Variants in MSRA observed in about 807,000 individuals in gnomAD.
The protein encoded by MSRA is methionine sulfoxide reductase A.
MSRA carries 54 observed loss-of-function variants against 31.3 expected under a neutral mutation model. That is an observed-to-expected ratio of 1.73 (90% confidence interval 1.39 to 2.17). The LOEUF (loss-of-function observed/expected upper bound fraction) is 2.17. Among genes scored for constraint, MSRA ranks in the 30% most tolerant of loss-of-function variants. The pLI is 0.00. For synonymous variants in MSRA, 169 were observed against 116.5 expected, an observed-to-expected ratio of 1.45 and a Z score of -2.90; for missense variants, 507 against 300.9, an observed-to-expected ratio of 1.69 and a Z score of -5.07.
chr8:10,315,090 T>G (rs1801636497), intron 4 of MSRA, among the ~76,000 whole-genome samples: 1 of 152,052 alleles, frequency 6.6e-6, no homozygotes, highest in Non-Finnish European at 1.5e-5. Flanking sequence ...GAACTGACCT[T>G]TATAAAACCA....
At chr8:10,172,851 G>T (rs577702727) in intron 1 of MSRA, among the ~76,000 whole-genome samples, 1 of 152,204 alleles carries the variant, frequency 6.6e-6, no homozygotes, top group Non-Finnish European at 1.5e-5. Flanking sequence ...TATGTGCCAC[G>T]CATAGGTGCT....
intron 3 of MSRA, among the ~76,000 whole-genome samples, chr8:10,282,566 G>C (rs970206554): frequency 6.6e-6 from 1 of 152,150 alleles, no homozygotes; most frequent in Non-Finnish European, 1.5e-5. Flanking sequence ...TCCGGTGACA[G>C]AGCAGCCATA....
chr8:10,067,684 G>A (rs983734609), intron 1 of MSRA, among the ~76,000 whole-genome samples: 1 of 152,154 alleles, frequency 6.6e-6, no homozygotes, highest in Non-Finnish European at 1.5e-5. Context: ...GGCAGTTGTT[G>A]TTATCAGTGC....
At chr8:10,212,233 C>G (rs1482672380) in intron 2 of MSRA, among the ~76,000 whole-genome samples, 1 of 151,794 alleles carries the variant, frequency 6.6e-6, no homozygotes, top group Non-Finnish European at 1.5e-5. Context: ...ATAAATTTGT[C>G]ATCCAAACTA....
intron 1 of MSRA, among the ~76,000 whole-genome samples, chr8:10,179,437 A>G (rs980398019): frequency 3.3e-5 from 5 of 152,198 alleles, no homozygotes; most frequent in Admixed American, 1.3e-4. Flanking sequence ...TCGATCATTT[A>G]TAATTATAAT....
intron 5 of MSRA, among the ~76,000 whole-genome samples, chr8:10,324,758 G>A (rs1053924001): frequency 6.6e-6 from 1 of 152,170 alleles, no homozygotes; most frequent in Admixed American, 6.5e-5. Flanking sequence ...GACTGGGGAG[G>A]AAAAGAAGGA....
chr8:10,303,834 A>C (rs576826434), intron 4 of MSRA, among the ~76,000 whole-genome samples: 9 of 152,246 alleles, frequency 5.9e-5, no homozygotes, highest in African/African-American at 2.2e-4. Context: ...TTTCTATTAC[A>C]TGTAACAGTA....
chr8:10,089,694 C>G (rs977410290), intron 1 of MSRA, among the ~76,000 whole-genome samples: 31 of 152,222 alleles, frequency 2.0e-4, no homozygotes, highest in African/African-American at 7.5e-4. Context: ...TTAGCATCTG[C>G]TGGCCTCCGG....
At chr8:10,342,611 C>A (rs1052899383) in intron 5 of MSRA, among the ~76,000 whole-genome samples, 4 of 152,162 alleles carry the variant, frequency 2.6e-5, no homozygotes, top group Admixed American at 6.5e-5. Context: ...AATCTGAGGC[C>A]GTTGTATCAC....
intron 1 of MSRA, among the ~76,000 whole-genome samples, chr8:10,170,822 C>T (rs1171281839): frequency 6.6e-6 from 1 of 152,224 alleles, no homozygotes; most frequent in African/African-American, 2.4e-5. Flanking sequence ...TTATGGTACT[C>T]TGTCCAATCA....
At chr8:10,223,914 G>T (rs1360422246) in intron 2 of MSRA, among the ~76,000 whole-genome samples, 2 of 152,110 alleles carry the variant, frequency 1.3e-5, no homozygotes, top group Non-Finnish European at 2.9e-5. Flanking sequence ...ATGGGTTTTG[G>T]TGACAGTGTG....
chr8:10,253,999 A>C (rs1317997649), intron 3 of MSRA, among the ~76,000 whole-genome samples: 1 of 152,104 alleles, frequency 6.6e-6, no homozygotes, highest in Non-Finnish European at 1.5e-5. Context: ...GCTTGGGAAG[A>C]GGTCACTGTT....
intron 5 of MSRA, among the ~76,000 whole-genome samples, chr8:10,350,447 C>G (rs145240842): frequency 6.6e-6 from 1 of 152,204 alleles, no homozygotes; most frequent in South Asian, 2.1e-4. Flanking sequence ...GCATTTAGAT[C>G]TGACACTGTG....
chr8:10,283,836 T>TATATATATATATATATATATACAC (rs1261287031), intron 3 of MSRA, among the ~76,000 whole-genome samples: 1 of 53,160 alleles, frequency 1.9e-5, no homozygotes, highest in Non-Finnish European at 3.2e-5. Flanking sequence ...TATATATATA[T>TATATATATATATATATATATACAC]ACACACACAC....
chr8:10,131,697 A>G (rs191680278), intron 1 of MSRA, among the ~76,000 whole-genome samples: 139 of 152,212 alleles, frequency 9.1e-4, no homozygotes, highest in Middle Eastern at 3.4e-3. Flanking sequence ...GATCTCAGAG[A>G]TCTTGCCGTC....
chr8:10,424,078 T>A (rs199661479), intron 5 of MSRA, among the ~76,000 whole-genome samples: 1 of 152,150 alleles, frequency 6.6e-6, no homozygotes, highest in Non-Finnish European at 1.5e-5. Context: ...GAACATAGTA[T>A]GTGGAGCAGC....
intron 4 of MSRA, among the ~76,000 whole-genome samples, chr8:10,319,076 G>T (rs1801891700): frequency 6.6e-6 from 1 of 152,172 alleles, no homozygotes; most frequent in South Asian, 2.1e-4. Flanking sequence ...CTGAAACCTT[G>T]CATTTTTTTT....
chr8:10,267,139 C>A (rs903723114), intron 3 of MSRA, among the ~76,000 whole-genome samples: 4 of 152,184 alleles, frequency 2.6e-5, no homozygotes, highest in African/African-American at 9.7e-5. Context: ...GCAGTGATTG[C>A]ACATTGTTTA....
At chr8:10,333,351 A>T (rs13280593) in intron 5 of MSRA, among the ~76,000 whole-genome samples, 148,066 of 152,252 alleles carry the variant, frequency 0.97, 72,145 homozygotes, top group East Asian at 1. Flanking sequence ...AAAACTGCAG[A>T]GAATGTTTGA....
Sources: gnomAD v4.1 joint callset for allele counts (sites outside exome capture counted in the v4.1 genomes callset) on GRCh38, gnomAD v4.1.1 for gene constraint, MANE v1.5 for transcripts, NCBI Gene and HGNC (gene_info 2026-07-23, HGNC 2026-07-21) for gene names.